RC3H1: variants seen among roughly 807,000 people sequenced by gnomAD.
RC3H1 encodes the protein roquin-1.
RC3H1 carries 50 observed loss-of-function variants against 138.2 expected under a neutral mutation model. That is an observed-to-expected ratio of 0.36 (90% CI 0.29 to 0.46). The LOEUF (loss-of-function observed/expected upper bound fraction) is 0.46, where lower values mean the gene tolerates loss of function less well. Among genes scored for constraint, RC3H1 ranks in the 20% least tolerant of loss-of-function variants. The pLI is 1.00. For missense variants in RC3H1, 1,031 were observed against 1,388.1 expected (o/e 0.74, Z 4.09); for synonymous variants, 462 against 489.1 (o/e 0.94, Z 0.73).
At chr1:174,012,711 G>A (rs1250181086) in intron 1 of RC3H1, among the ~76,000 whole-genome samples, 1 of 151,500 alleles carries the variant, frequency 6.6e-6, no homozygotes, top group Non-Finnish European at 1.5e-5. Context: ...GTGGACCCAG[G>A]AGGCAGAGCT....
At position 173,933,648 on chromosome 1, in the gene RC3H1, A is replaced by C. The variant is rs1658471718; in HGVS notation, c.*5073T>G. On this transcript the variant is annotated 3_prime_UTR_variant, in exon 20 of 20. Transcript: ENST00000367696. ...TATAATCAACCTACAACTCCCAATA[A>C]GTCATTTCAGCAGGAAAATTTCATA... 6.6e-6 allele frequency: 1 copy of C among 152,174 alleles called. No individual in the cohort carries two copies. Among genetic ancestry groups the C allele is most frequent in the South Asian group, 2.1e-4 (1 of 4,832 alleles). The allele number at this position is 152,174 out of a possible 1,614,324, so 9.4% of individuals were successfully genotyped here.
At chr1:174,009,589 G>A (rs1297292300) in intron 1 of RC3H1, among the ~76,000 whole-genome samples, 5 of 151,986 alleles carry the variant, frequency 3.3e-5, no homozygotes, top group East Asian at 1.9e-4. Flanking sequence ...CTGTAATCCC[G>A]GCATTTTGGG....
At chr1:174,003,494 A>G (rs1391575859) in intron 1 of RC3H1, among the ~76,000 whole-genome samples, 1 of 151,820 alleles carries the variant, frequency 6.6e-6, no homozygotes, top group Non-Finnish European at 1.5e-5. Context: ...CCATGTACAT[A>G]TTATTTCTTT....
At position 173,938,585 on chromosome 1, in the gene RC3H1, G is replaced by C. The variant is rs1216760472; in HGVS notation, c.*136C>G. ...GTTTGTTTTTAGTAGTGGTGTTTGTGCACATTGCCTCTGGTGAATTTCCTG... is the reference window on the plus strand; with the variant it reads ...GTTTGTTTTTAGTAGTGGTGTTTGTCCACATTGCCTCTGGTGAATTTCCTG... On this transcript the variant is annotated 3_prime_UTR_variant, in exon 20 of 20. Coordinates refer to ENST00000367696, the MANE Select transcript of RC3H1 (RefSeq NM_172071.4). 1 of 564,100 alleles carries C rather than the reference G, an allele frequency of 1.8e-6. No individual in the cohort carries two copies. Among genetic ancestry groups the C allele is most frequent in the Non-Finnish European group, 3.1e-6 (1 of 326,812 alleles). The allele number at this position is 564,100 out of a possible 1,614,324, so 34.9% of individuals were successfully genotyped here. A position where few individuals can be genotyped will look rare whatever the true frequency, so the allele number is the denominator to read the frequency against.
chr1:173,990,581 T>TA (rs1448646255), intron 2 of RC3H1, among the ~76,000 whole-genome samples: 8 of 151,108 alleles, frequency 5.3e-5, no homozygotes, highest in South Asian at 2.1e-4. Flanking sequence ...ATTATTTATT[T>TA]TTTTTTTTTG....
At chr1:173,940,663 G>A (rs1658814173) in intron 19 of RC3H1, among the ~76,000 whole-genome samples, 1 of 150,510 alleles carries the variant, frequency 6.6e-6, no homozygotes, top group African/African-American at 2.5e-5. Context: ...TTTACATTGA[G>A]CATATAGTAT....
intron 9 of RC3H1, among the ~76,000 whole-genome samples, chr1:173,967,684 G>A (rs895668809): frequency 2.6e-5 from 4 of 152,060 alleles, no homozygotes; most frequent in Non-Finnish European, 4.4e-5. Flanking sequence ...CTACAGACTT[G>A]TAAGAGCTCA....
Position 173,943,504 on chromosome 1 carries a change from A to G in RC3H1, c.3073T>C (p.Leu1025=), listed in dbSNP as rs1441346711. ...TCCACCTGGTGCAGTTCCAAGCTCA[A>G]CTGCTCACTTGAGATCATCCCAGGC... ...KWPGMISSEQ[L]SLELHQVERE... Residue 1025 remains leucine (L), a synonymous_variant, in exon 18 of 20, where the codon TTG becomes CTG. Coordinates refer to ENST00000367696, the MANE Select transcript of RC3H1 (RefSeq NM_172071.4). The G allele has an allele frequency of 1.2e-6, 2 of 1,614,024 alleles. No homozygotes were observed. Among genetic ancestry groups the G allele is most frequent in the South Asian group, 1.1e-5 (1 of 91,050 alleles).
chr1:174,021,673 C>A (rs182890714), intron 1 of RC3H1, among the ~76,000 whole-genome samples: 1 of 152,192 alleles, frequency 6.6e-6, no homozygotes, highest in East Asian at 1.9e-4. Flanking sequence ...GAGGCCGAGG[C>A]GGCGCCTGTT....
Position 173,959,427 on chromosome 1 carries a change from C to CA in RC3H1, c.2370+1649dup, listed in dbSNP as rs575894949. On this transcript the variant is annotated intron_variant, in intron 13 of 19. Transcript: ENST00000367696. ...TGAAGTATGAAGTATAAAGAAAATC[C>CA]AAATAAATGAAGGGGTATATCATGT... Among the ~76,000 whole-genome samples the CA allele has an allele frequency of 1.1e-4, 17 of 152,070 alleles. No homozygotes were observed. The South Asian group carries it at 3.3e-3, about 30-fold the overall frequency.
rs151173819 is a variant in RC3H1 at position 173,980,905 on chromosome 1, A to T, written c.873T>A (p.Ala291=). 1.9e-6 allele frequency: 3 copies of T among 1,614,108 alleles called. No individual in the cohort carries two copies. The highest frequency in any genetic ancestry group is 2.5e-6 in the Non-Finnish European group (3 of 1,179,950). ...GTGCAATTCGTAAGCCTGCTTCCATAGCAATCTGCACTATCTGGGAGTCAT... is the reference window on the plus strand; with the variant it reads ...GTGCAATTCGTAAGCCTGCTTCCATTGCAATCTGCACTATCTGGGAGTCAT... The part of the protein sequence containing the change: ...REHDSQIVQI[A]MEAGLRIAPD... The change falls in exon 6 of 20, where the codon GCT becomes GCA. Residue 291 remains alanine, a synonymous_variant. Transcript: ENST00000367696.
intron 13 of RC3H1, among the ~76,000 whole-genome samples, chr1:173,956,940 G>A (rs1016348942): frequency 6.6e-6 from 1 of 151,996 alleles, no homozygotes; most frequent in Non-Finnish European, 1.5e-5. Flanking sequence ...TTGAGAACGA[G>A]TCTTGTTCTG....
At chr1:173,973,245 A>G (rs1230540108) in intron 7 of RC3H1, among the ~76,000 whole-genome samples, 1 of 152,212 alleles carries the variant, frequency 6.6e-6, no homozygotes, top group African/African-American at 2.4e-5. Context: ...AAAAGCTTAA[A>G]AAGTTTAATA....
chr1:173,991,225 A>C (rs1011462224), intron 2 of RC3H1, among the ~76,000 whole-genome samples: 1 of 152,220 alleles, frequency 6.6e-6, no homozygotes, highest in African/African-American at 2.4e-5. Flanking sequence ...GCAAGAAAAA[A>C]AGAAAGAAAG....
intron 18 of RC3H1, among the ~76,000 whole-genome samples, chr1:173,942,088 A>G (rs1406536484): frequency 6.6e-6 from 1 of 151,890 alleles, no homozygotes; most frequent in Non-Finnish European, 1.5e-5. Context: ...AAAATATAAA[A>G]AAAATTGGCT....
At chr1:173,957,580 G>T (rs911024252) in intron 13 of RC3H1, among the ~76,000 whole-genome samples, 2 of 151,838 alleles carry the variant, frequency 1.3e-5, no homozygotes, top group African/African-American at 2.4e-5. Flanking sequence ...CTGAGACAGG[G>T]TCTTTGTTAC....
At chr1:173,957,818 T>A (rs1194568540) in intron 13 of RC3H1, among the ~76,000 whole-genome samples, 1 of 152,172 alleles carries the variant, frequency 6.6e-6, no homozygotes, top group East Asian at 1.9e-4. Context: ...CACCTCAGCC[T>A]CCCAAAGTGT....
chr1:173,959,912 C>T (rs58700482), intron 13 of RC3H1, among the ~76,000 whole-genome samples: 7,466 of 151,860 alleles, frequency 0.049, 621 homozygotes, highest in African/African-American at 0.17. Flanking sequence ...TTGAGACCAG[C>T]CTGGCCAACA....
In RC3H1 at chr1:173,961,145, T is replaced by G. The variant is rs1332005428; in HGVS notation, c.2302A>C (p.Arg768=). Reference sequence around the variant, plus strand: ...AAAGGAGGTGGAGAGATAACCTTTCTTTCCTCTAGCTGGGCCATTATTTCC... The same window carrying G: ...AAAGGAGGTGGAGAGATAACCTTTCGTTCCTCTAGCTGGGCCATTATTTCC... The part of the protein sequence containing the change: ...RKEIMAQLEE[R]KVISPPPFAP... The change falls in exon 13 of 20, where the codon AGA becomes CGA. Residue 768 remains arginine, a synonymous_variant. Transcript: ENST00000367696. 1 of 1,613,962 alleles carries G rather than the reference T, an allele frequency of 6.2e-7. No individual in the cohort carries two copies. The highest frequency in any genetic ancestry group is 2.2e-5 in the East Asian group (1 of 44,882).
Sources: allele counts gnomAD v4.1 joint callset (sites outside exome capture counted in the v4.1 genomes callset), GRCh38; gene constraint gnomAD v4.1.1; transcripts MANE v1.5; gene names NCBI Gene and HGNC (gene_info 2026-07-23, HGNC 2026-07-21).